AKT2: variants seen among roughly 807,000 people sequenced by gnomAD.
The protein encoded by AKT2 is AKT serine/threonine kinase 2.
Under a neutral mutation model 58.6 loss-of-function variants are expected in AKT2, and 16 were observed. That is an observed-to-expected ratio of 0.27 (90% CI 0.18 to 0.41). The LOEUF (loss-of-function observed/expected upper bound fraction) is 0.41, where lower values mean the gene tolerates loss of function less well. Among genes scored for constraint, AKT2 ranks in the 10% least tolerant of loss-of-function variants. AKT2 has a pLI of 1.00. For missense variants in AKT2, 438 were observed against 661.0 expected (o/e 0.66, Z 3.70); for synonymous variants, 253 against 254.0 (o/e 1.00, Z 0.04).
chr19:40,253,028 G>C (rs1224691631), intron 4 of AKT2, among the ~76,000 whole-genome samples: 1 of 152,198 alleles, frequency 6.6e-6, no homozygotes, highest in East Asian at 1.9e-4. Context: ...CAAGTCTCAT[G>C]ATATTGTGGG....
At position 40,242,816 on chromosome 19, in the gene AKT2, G is replaced by T. The variant is rs997421895; in HGVS notation, c.288-129C>A. 1 of 1,072,784 alleles carries T rather than the reference G, an allele frequency of 9.3e-7. No individual in the cohort carries two copies. Among genetic ancestry groups the T allele is most frequent in the Non-Finnish European group, 1.4e-6 (1 of 730,264 alleles). 66.5% of individuals were successfully genotyped at this position (1,072,784 alleles called of 1,614,324 possible). A position where few individuals can be genotyped will look rare whatever the true frequency, so the allele number is the denominator to read the frequency against. ...TGACCACATAACCATGGGAATTTGG[G>T]CAAGATCTGTCAGAACCAGAGAGAG... On this transcript the variant is annotated intron_variant, in intron 4 of 13. Transcript: ENST00000392038. This position sits in a 1 kb window ranked among gnomAD's most constrained non-coding sequence, Gnocchi z 4.3.
Position 40,238,667 on chromosome 19 carries a change from T to C in AKT2, c.708+238A>G, listed in dbSNP as rs1315436510. Among the ~76,000 whole-genome samples, 2 of 152,058 alleles carry C rather than the reference T, an allele frequency of 1.3e-5. No homozygotes were observed. Among genetic ancestry groups the C allele is most frequent in the African/African-American group, 4.8e-5 (2 of 41,398 alleles). On this transcript the variant is annotated intron_variant, in intron 8 of 13. Transcript: ENST00000392038. This position sits in a 1 kb window ranked among gnomAD's most constrained non-coding sequence, Gnocchi z 5.1. Reference sequence around the variant, plus strand: ...CCTCTCCACACCTCTCTGGACTGGTTTGGACCTGACCCACCCACTCACTAG... The same window carrying C: ...CCTCTCCACACCTCTCTGGACTGGTCTGGACCTGACCCACCCACTCACTAG...
chr19:40,232,788 G>A lies in AKT2; in HGVS notation c.*1084C>T, dbSNP rs1973775609. Reference sequence around the variant, plus strand: ...ACACACGCAGTCCGAGGCACGCACAGGAGTCCCACAGCACTGACATGGACG... The same window carrying A: ...ACACACGCAGTCCGAGGCACGCACAAGAGTCCCACAGCACTGACATGGACG... On this transcript the variant is annotated 3_prime_UTR_variant, in exon 14 of 14. Coordinates refer to ENST00000392038, the MANE Select transcript of AKT2 (RefSeq NM_001626.6). The A allele has an allele frequency of 4.3e-6, 1 of 233,506 alleles. No homozygotes were observed. The highest frequency in any genetic ancestry group is 1.8e-4 in the South Asian group (1 of 5,560). 14.5% of individuals were successfully genotyped at this position (233,506 alleles called of 1,614,324 possible). A position where few individuals can be genotyped will look rare whatever the true frequency, so the allele number is the denominator to read the frequency against.
intron 1 of AKT2, among the ~76,000 whole-genome samples, chr19:40,278,797 C>T (rs961816646): frequency 3.9e-5 from 6 of 151,966 alleles, no homozygotes; most frequent in South Asian, 2.1e-4. Flanking sequence ...TCCTCCCCAC[C>T]GCCCCACTCA....
chr19:40,273,019 T>C (rs2077242958), intron 1 of AKT2, among the ~76,000 whole-genome samples: 1 of 152,170 alleles, frequency 6.6e-6, no homozygotes, highest in African/African-American at 2.4e-5. Context: ...CAAAAGAGCC[T>C]GTAAGAGCAA....
intron 2 of AKT2, among the ~76,000 whole-genome samples, chr19:40,261,987 G>A (rs911260300): frequency 6.6e-6 from 1 of 151,836 alleles, no homozygotes; most frequent in African/African-American, 2.4e-5. Context: ...CTGCTTGGGA[G>A]GAGCACTTGG....
At chr19:40,265,797 T>TAC (rs908916877) in intron 1 of AKT2, among the ~76,000 whole-genome samples, 1 of 151,920 alleles carries the variant, frequency 6.6e-6, no homozygotes, top group South Asian at 2.1e-4. Context: ...TCCACCATCT[T>TAC]ACACACACAC....
At chr19:40,275,363 G>A (rs1161081051) in intron 1 of AKT2, 4 of 454,938 alleles carry the variant, frequency 8.8e-6, no homozygotes, top group Non-Finnish European at 1.8e-5. Context: ...GGAGCTCCAG[G>A]GCAGGGCCCA....
At chr19:40,272,021 G>C (rs1249736376) in intron 1 of AKT2, among the ~76,000 whole-genome samples, 1 of 152,210 alleles carries the variant, frequency 6.6e-6, no homozygotes, top group Admixed American at 6.5e-5. Flanking sequence ...CTACTAAAAA[G>C]AGCAAGGCTC....
Position 40,235,901 on chromosome 19 carries a change from G to A in AKT2, c.1164C>T (p.Asp388=). The change falls in exon 11 of 14, where the codon GAC becomes GAT. Residue 388 remains aspartate (D), a synonymous_variant. Transcript: ENST00000392038. The surrounding 1 kb of genome is among the most constrained non-coding windows in gnomAD (Gnocchi z 6.3). ...KSLLAGLLKK[D]PKQRLGGGPS... ...ACGCCAGCCCTCACCTCTGCTTGGGGTCCTTCTTAAGCAGCCCAGCAAGCA... is the reference window on the plus strand; with the variant it reads ...ACGCCAGCCCTCACCTCTGCTTGGGATCCTTCTTAAGCAGCCCAGCAAGCA... 1 of 1,610,928 alleles carries A rather than the reference G, an allele frequency of 6.2e-7. No individual in the cohort carries two copies. The highest frequency in any genetic ancestry group is 1.1e-5 in the South Asian group (1 of 91,010).
chr19:40,265,664 A>G, intron 1 of AKT2: 1 of 355,684 alleles, frequency 2.8e-6, no homozygotes, highest in South Asian at 2.7e-5. Flanking sequence ...GCAAGCATCA[A>G]GGTAGCCGTG....
chr19:40,268,222 G>T (rs1331353299), intron 1 of AKT2, among the ~76,000 whole-genome samples: 5 of 152,204 alleles, frequency 3.3e-5, no homozygotes, highest in Non-Finnish European at 5.9e-5. Context: ...AATAGAACAG[G>T]GGCTCCATGT....
At chr19:40,240,776 C>CT (rs548486162) in intron 6 of AKT2, 1,943 of 146,694 alleles carry the variant, frequency 0.013, 14 homozygotes, top group South Asian at 0.039. Context: ...TGTCTGAAGT[C>CT]TTTTTTTTTT....
chr19:40,236,165 G>T, intron 10 of AKT2, 61 bp from the exon 11 acceptor site: 1 of 1,613,256 alleles, frequency 6.2e-7, no homozygotes, highest in Non-Finnish European at 8.5e-7. Context: ...TCACAGTCCT[G>T]CCCTCAGGGC....
chr19:40,281,068 G>A (rs1045978926), intron 1 of AKT2, among the ~76,000 whole-genome samples: 1 of 152,080 alleles, frequency 6.6e-6, no homozygotes, highest in East Asian at 1.9e-4. Flanking sequence ...AATACCCTTA[G>A]GATCCATCCT....
Position 40,232,574 on chromosome 19 carries a change from G to A in AKT2, c.*1298C>T, listed in dbSNP as rs1291022504. On this transcript the variant is annotated 3_prime_UTR_variant, in exon 14 of 14. Transcript: ENST00000392038. ...ACCCAGAGGTGTTGCTACAGGGAGGGGAGGCGTGGGCAGGGCAGCTCATGG... is the reference window on the plus strand; with the variant it reads ...ACCCAGAGGTGTTGCTACAGGGAGGAGAGGCGTGGGCAGGGCAGCTCATGG... 3.0e-5 allele frequency: 7 copies of A among 233,196 alleles called. No homozygotes were observed. Among genetic ancestry groups the A allele is most frequent in the Non-Finnish European group, 5.1e-5 (6 of 118,182 alleles). The allele number at this position is 233,196 out of a possible 1,614,324, so 14.4% of individuals were successfully genotyped here. A position where few individuals can be genotyped will look rare whatever the true frequency, so the allele number is the denominator to read the frequency against.
At chr19:40,246,750 A>G (rs1974777489) in intron 4 of AKT2, among the ~76,000 whole-genome samples, 2 of 152,198 alleles carry the variant, frequency 1.3e-5, no homozygotes, top group Admixed American at 1.3e-4. Context: ...ACCAGCCCAG[A>G]AGCAGCTCTG....
intron 4 of AKT2, among the ~76,000 whole-genome samples, chr19:40,250,274 G>A (rs187639394): frequency 2.7e-3 from 406 of 152,154 alleles, no homozygotes; most frequent in Non-Finnish European, 4.5e-3. Flanking sequence ...AGGCCGAGGC[G>A]GGCAGATCAC....
chr19:40,269,192 G>C (rs765928905), intron 1 of AKT2: 1 of 152,228 alleles, frequency 6.6e-6, no homozygotes, highest in Non-Finnish European at 1.5e-5. Context: ...CTCGCCTATG[G>C]AACCCCCATA....
Sources: gnomAD v4.1 joint callset for allele counts (sites outside exome capture counted in the v4.1 genomes callset) on GRCh38, gnomAD v4.1.1 for gene constraint, Gnocchi (gnomAD v3.1) non-coding constraint, MANE v1.5 for transcripts, NCBI Gene and HGNC (gene_info 2026-07-23, HGNC 2026-07-21) for gene names.